The following ZNF169 variants were observed in gnomAD, a reference collection of about 807,000 sequenced individuals.
ZNF169 encodes zinc finger protein 169.
Under a neutral mutation model 12.0 loss-of-function variants are expected in ZNF169, and 11 were observed. The observed-to-expected ratio is 0.92, with a 90% CI of 0.58 to 1.52. The LOEUF (loss-of-function observed/expected upper bound fraction) is 1.52, where lower values mean the gene tolerates loss of function less well. ZNF169 is among the 40% of genes most tolerant of loss of function. The pLI is 0.00. For missense variants in ZNF169, 722 were observed against 744.0 expected (o/e 0.97, Z 0.34); for synonymous variants, 302 against 286.5 (o/e 1.05, Z -0.55).
chr9:94,292,972 A>G lies in ZNF169; in HGVS notation c.161-2A>G, dbSNP rs756217905. On this transcript the variant is annotated splice_acceptor_variant, in intron 3 of 4. Coordinates refer to ENST00000395395, the MANE Select transcript of ZNF169 (RefSeq NM_194320.4). LOFTEE classifies it high-confidence loss of function. ...ACCTTGGTTTTTTTTTCCTGTGAGT[A>G]GGAATTGCATTTTCCAAACCAAAAC... 38 of 1,608,152 alleles carry G rather than the reference A, an allele frequency of 2.4e-5. No individual in the cohort carries two copies. Among genetic ancestry groups the G allele is most frequent in the Non-Finnish European group, 3.1e-5 (36 of 1,176,426 alleles).
chr9:94,286,148 T>A (rs890550719), intron 2 of ZNF169, among the ~76,000 whole-genome samples: 1 of 152,230 alleles, frequency 6.6e-6, no homozygotes, highest in Non-Finnish European at 1.5e-5. Context: ...CCATTAAGAC[T>A]TCGGGCACTG....
At position 94,299,995 on chromosome 9, in the gene ZNF169, C is replaced by T; in HGVS notation, c.437C>T (p.Thr146Ile). ...CSSEKGESGE[T>I]EGPDSSLRKR... is the part of the protein sequence containing the mutation. ...AGTGAAAAAGGAGAAAGTGGAGAGACAGAAGGCCCCGACAGCTCATTAAGA... is the reference window on the plus strand; with the variant it reads ...AGTGAAAAAGGAGAAAGTGGAGAGATAGAAGGCCCCGACAGCTCATTAAGA... Residue 146 changes from threonine to isoleucine, a missense_variant, in exon 5 of 5, where the codon ACA (threonine) becomes ATA (isoleucine). Coordinates refer to ENST00000395395, the MANE Select transcript of ZNF169 (RefSeq NM_194320.4). 1.2e-6 allele frequency: 2 copies of T among 1,614,100 alleles called. No individual in the cohort carries two copies. The highest frequency in any genetic ancestry group is 8.5e-7 in the Non-Finnish European group (1 of 1,180,034).
intron 1 of ZNF169, among the ~76,000 whole-genome samples, chr9:94,265,780 TA>T (rs1358756453): frequency 6.6e-6 from 1 of 152,148 alleles, no homozygotes; most frequent in Non-Finnish European, 1.5e-5. Context: ...TGATTACCCT[TA>T]TCTTATCTCC....
chr9:94,264,745 A>G (rs1830261101), intron 1 of ZNF169, among the ~76,000 whole-genome samples: 1 of 152,204 alleles, frequency 6.6e-6, no homozygotes, highest in African/African-American at 2.4e-5. Flanking sequence ...TTTGCTCCCT[A>G]TCACTAAAGT....
At chr9:94,272,603 A>C (rs1336084002) in intron 1 of ZNF169, among the ~76,000 whole-genome samples, 1 of 152,196 alleles carries the variant, frequency 6.6e-6, no homozygotes, top group Non-Finnish European at 1.5e-5. Context: ...ATGTTGTAGT[A>C]TGAGCCAGAA....
At chr9:94,286,485 G>A (rs943526161) in intron 2 of ZNF169, among the ~76,000 whole-genome samples, 1 of 152,094 alleles carries the variant, frequency 6.6e-6, no homozygotes, top group Non-Finnish European at 1.5e-5. Flanking sequence ...TCTCAATATT[G>A]GGGGAGGGTC....
intron 4 of ZNF169, chr9:94,294,511 A>G (rs777042898): frequency 6.6e-6 from 1 of 152,110 alleles, no homozygotes; most frequent in Non-Finnish European, 1.5e-5. Context: ...CTCAACTTAT[A>G]TAAGTTATGC....
chr9:94,299,528 T>C (rs1162738487), intron 4 of ZNF169: 6 of 1,331,390 alleles, frequency 4.5e-6, no homozygotes, highest in Non-Finnish European at 5.7e-6. Flanking sequence ...AGGCTTGAGC[T>C]GGAGCAAAAG....
intron 2 of ZNF169, among the ~76,000 whole-genome samples, chr9:94,282,703 T>A (rs561609345): frequency 7.9e-5 from 12 of 152,148 alleles, no homozygotes; most frequent in Non-Finnish European, 1.8e-4. Flanking sequence ...CATTGAATCT[T>A]AAAATTTTTA....
At chr9:94,286,686 A>C (rs1830724902) in intron 2 of ZNF169, among the ~76,000 whole-genome samples, 1 of 152,244 alleles carries the variant, frequency 6.6e-6, no homozygotes, top group South Asian at 2.1e-4. Context: ...ACAGAAGTCC[A>C]GTTTAGATTC....
chr9:94,283,186 G>A (rs1286450207), intron 2 of ZNF169, among the ~76,000 whole-genome samples: 2 of 152,116 alleles, frequency 1.3e-5, no homozygotes, highest in Admixed American at 6.6e-5. Flanking sequence ...TGAGGCGGGC[G>A]GATCATGAGG....
chr9:94,300,469 C>T lies in ZNF169; in HGVS notation c.911C>T (p.Ser304Phe). The change falls in exon 5 of 5, where the codon TCT (serine) becomes TTT (phenylalanine). Residue 304 changes from serine (S) to phenylalanine (F), a missense_variant. Physicochemically the swap from Ser to Phe is radical, Grantham distance 155. Transcript: ENST00000395395. ...ECGRHFRYTS[S>F]LTNHKRIHSG... ...GGGCGACACTTCAGGTATACATCCTCTCTCACTAATCACAAGAGGATTCAC... is the reference window on the plus strand; with the variant it reads ...GGGCGACACTTCAGGTATACATCCTTTCTCACTAATCACAAGAGGATTCAC... 6.2e-7 allele frequency: 1 copy of T among 1,614,098 alleles called. No homozygotes were observed. Among genetic ancestry groups the T allele is most frequent in the East Asian group, 2.2e-5 (1 of 44,870 alleles).
intron 4 of ZNF169, among the ~76,000 whole-genome samples, chr9:94,298,841 T>G (rs1251927160): frequency 1.3e-5 from 2 of 152,078 alleles, no homozygotes; most frequent in African/African-American, 2.4e-5. Flanking sequence ...TATACCATCA[T>G]GGGAATTAGT....
At position 94,299,815 on chromosome 9, in the gene ZNF169, A is replaced by G. The variant is rs757852729; in HGVS notation, c.257A>G (p.Glu86Gly). The G allele has an allele frequency of 4.4e-6, 7 of 1,607,606 alleles. No homozygotes were observed. The East Asian group carries it at 1.6e-4, about 36-fold the overall frequency. Reference protein sequence around the residue: ...ENEHLLDLCPEPRTEFQPSFP... With the variant: ...ENEHLLDLCPGPRTEFQPSFP... ...CTGACCAAGACTTTCTCTCTAGCAG[A>G]GCCTAGAACAGAATTCCAGCCAAGT... Residue 86 changes from glutamate (E) to glycine (G), a missense_variant and splice_region_variant, in exon 5 of 5, where the codon GAG becomes GGG. By Grantham distance (98) the Glu-to-Gly change is moderately conservative (BLOSUM62 -2). Coordinates refer to ENST00000395395, the MANE Select transcript of ZNF169 (RefSeq NM_194320.4).
chr9:94,297,335 C>T (rs1830973442), intron 4 of ZNF169, among the ~76,000 whole-genome samples: 1 of 152,134 alleles, frequency 6.6e-6, no homozygotes, highest in South Asian at 2.1e-4. Context: ...GTATACAGGC[C>T]TTACATATCT....
chr9:94,263,471 C>T (rs1830239216), intron 1 of ZNF169, among the ~76,000 whole-genome samples: 1 of 147,198 alleles, frequency 6.8e-6, no homozygotes, highest in African/African-American at 2.5e-5. Context: ...TGACCTATGT[C>T]TTTATATTTA....
chr9:94,288,087 A>T, intron 2 of ZNF169: 2 of 798,416 alleles, frequency 2.5e-6, no homozygotes, highest in Non-Finnish European at 4.5e-6. Flanking sequence ...CTCAAAATTC[A>T]TCTGGTAGCT....
chr9:94,279,584 G>A (rs1830588516), intron 2 of ZNF169, among the ~76,000 whole-genome samples: 1 of 143,910 alleles, frequency 6.9e-6, no homozygotes, highest in African/African-American at 2.6e-5. Flanking sequence ...AGGTTGCAGT[G>A]AGCCGAGATT....
chr9:94,278,922 G>C, intron 2 of ZNF169, 77 bp downstream of exon 2: 1 of 1,484,532 alleles, frequency 6.7e-7, no homozygotes. Flanking sequence ...TGCCTTCTTG[G>C]TGTTAGGCAA....
Sources: gnomAD v4.1 joint callset for allele counts (sites outside exome capture counted in the v4.1 genomes callset) on GRCh38, gnomAD v4.1.1 for gene constraint, MANE v1.5 for transcripts, NCBI Gene and HGNC (gene_info 2026-07-23, HGNC 2026-07-21) for gene names.